GPC6: variants seen among roughly 807,000 people sequenced by gnomAD.
The protein encoded by GPC6 is glypican-6.
GPC6 carries 14 observed loss-of-function variants against 55.2 expected under a neutral mutation model. That is an observed-to-expected ratio of 0.25 (90% confidence interval 0.17 to 0.40). GPC6 has a LOEUF of 0.40. Ranked by LOEUF, GPC6 falls within the 10% of genes least tolerant of loss-of-function variation. The pLI, the probability that GPC6 is intolerant of heterozygous loss-of-function variation, is 1.00. For synonymous variants in GPC6, 278 were observed against 259.6 expected, an observed-to-expected ratio of 1.07 and a Z score of -0.68; for missense variants, 641 against 708.5, an observed-to-expected ratio of 0.90 and a Z score of 1.08.
Position 93,314,268 on chromosome 13 carries a change from G to T in GPC6, c.160+86652G>T, listed in dbSNP as rs575799725. On this transcript the variant is annotated intron_variant, in intron 1 of 8. Coordinates refer to ENST00000377047, the MANE Select transcript of GPC6 (RefSeq NM_005708.5). ...TGCATCAAATATATACTTGACACAT[G>T]CTTTCAAACCAAGCCATTGTAGGTG... 2.0e-5 allele frequency among the ~76,000 whole-genome samples: 3 copies of T among 152,078 alleles called. No homozygotes were observed. In the South Asian group the frequency reaches 6.2e-4, roughly 32 times the overall value.
intron 3 of GPC6, among the ~76,000 whole-genome samples, chr13:93,947,296 G>A (rs1376165472): frequency 6.6e-6 from 1 of 152,156 alleles, no homozygotes; most frequent in Non-Finnish European, 1.5e-5. Flanking sequence ...CAGCATGAAA[G>A]TGTTGGTCCC....
intron 2 of GPC6, among the ~76,000 whole-genome samples, chr13:93,753,697 T>C (rs921691215): frequency 5.3e-5 from 8 of 152,120 alleles, no homozygotes; most frequent in Non-Finnish European, 8.8e-5. Flanking sequence ...ATGTTTTTTG[T>C]GCCCATTAAC....
At chr13:93,605,997 C>A (rs1878224249) in intron 2 of GPC6, among the ~76,000 whole-genome samples, 1 of 151,868 alleles carries the variant, frequency 6.6e-6, no homozygotes, top group African/African-American at 2.4e-5. Context: ...TATATCAATA[C>A]ATAGATTGAT....
At chr13:93,672,104 GT>G (rs1881383013) in intron 2 of GPC6, among the ~76,000 whole-genome samples, 1 of 150,542 alleles carries the variant, frequency 6.6e-6, no homozygotes, top group Non-Finnish European at 1.5e-5. Flanking sequence ...AGAAAAAAGG[GT>G]CCAAGACTAT....
chr13:94,006,384 G>A (rs147980610), intron 3 of GPC6, among the ~76,000 whole-genome samples: 3 of 152,214 alleles, frequency 2.0e-5, no homozygotes, highest in African/African-American at 7.2e-5. Context: ...AGATCCCCAC[G>A]CTGCTACTCC....
At chr13:94,241,101 T>C (rs926703707) in intron 4 of GPC6, among the ~76,000 whole-genome samples, 3 of 152,250 alleles carry the variant, frequency 2.0e-5, no homozygotes, top group East Asian at 1.9e-4. Flanking sequence ...GCCCCCAGGA[T>C]GGCACTGGTG....
chr13:93,597,275 C>A (rs1203801571), intron 2 of GPC6, among the ~76,000 whole-genome samples: 1 of 152,164 alleles, frequency 6.6e-6, no homozygotes, highest in Non-Finnish European at 1.5e-5. Flanking sequence ...ATCACATGAA[C>A]CATCACAGAG....
intron 8 of GPC6, 91 bp from the exon 9 acceptor site, chr13:94,402,923 TG>T (rs1881206632): frequency 1.1e-6 from 1 of 939,130 alleles, no homozygotes. Context: ...GTGGGGATTA[TG>T]GGGATTACAA....
intron 2 of GPC6, among the ~76,000 whole-genome samples, chr13:93,593,472 GT>G (rs1225487268): frequency 6.6e-6 from 1 of 152,036 alleles, no homozygotes; most frequent in African/African-American, 2.4e-5. Context: ...TTGAATGTAA[GT>G]TATTCATACT....
intron 4 of GPC6, among the ~76,000 whole-genome samples, chr13:94,132,790 T>C (rs1887046229): frequency 6.6e-6 from 1 of 152,184 alleles, no homozygotes; most frequent in African/African-American, 2.4e-5. Context: ...AGTCAGATGC[T>C]GAAATAGGAT....
At chr13:93,417,610 T>C (rs982836574) in intron 1 of GPC6, among the ~76,000 whole-genome samples, 1 of 152,134 alleles carries the variant, frequency 6.6e-6, no homozygotes, top group Non-Finnish European at 1.5e-5. Flanking sequence ...ATCTCAGTAT[T>C]TTTTGAAATG....
intron 6 of GPC6, among the ~76,000 whole-genome samples, chr13:94,360,602 ATTGT>A (rs979470070): frequency 2.6e-5 from 4 of 152,190 alleles, no homozygotes; most frequent in African/African-American, 4.8e-5. Context: ...GAATTAGGAA[ATTGT>A]TTGTAGGGCT....
At chr13:93,726,383 T>G (rs999405124) in intron 2 of GPC6, among the ~76,000 whole-genome samples, 6 of 152,124 alleles carry the variant, frequency 3.9e-5, no homozygotes, top group African/African-American at 1.4e-4. Flanking sequence ...TGAAACTCCC[T>G]GGCCAATAAC....
intron 2 of GPC6, among the ~76,000 whole-genome samples, chr13:93,629,768 A>G (rs1042493847): frequency 6.6e-6 from 1 of 152,218 alleles, no homozygotes; most frequent in African/African-American, 2.4e-5. Context: ...TCTTATGTCT[A>G]TGGAAATAAA....
At chr13:93,714,103 G>T (rs1361044503) in intron 2 of GPC6, among the ~76,000 whole-genome samples, 2 of 151,634 alleles carry the variant, frequency 1.3e-5, no homozygotes, top group Admixed American at 6.6e-5. Flanking sequence ...TAATTAAACT[G>T]TCGAGCTTCT....
At chr13:93,660,990 C>T (rs1880897989) in intron 2 of GPC6, among the ~76,000 whole-genome samples, 1 of 152,164 alleles carries the variant, frequency 6.6e-6, no homozygotes, top group African/African-American at 2.4e-5. Context: ...AGCACAGTCT[C>T]TGCAGTGAGC....
chr13:94,030,560 C>T (rs747672341), intron 4 of GPC6, among the ~76,000 whole-genome samples: 37 of 152,216 alleles, frequency 2.4e-4, no homozygotes, highest in Non-Finnish European at 3.4e-4. Context: ...TTCATAAATG[C>T]GGCAGCAAAG....
chr13:93,944,058 T>C (rs1482769304), intron 3 of GPC6, among the ~76,000 whole-genome samples: 5 of 152,188 alleles, frequency 3.3e-5, no homozygotes, highest in Non-Finnish European at 5.9e-5. Context: ...TCTTCTCCAA[T>C]AGCCAGGCAG....
At chr13:94,364,675 C>T (rs964126477) in intron 6 of GPC6, among the ~76,000 whole-genome samples, 3 of 152,112 alleles carry the variant, frequency 2.0e-5, no homozygotes, top group Non-Finnish European at 2.9e-5. Flanking sequence ...GGCAGGACCA[C>T]GTCCCTTAAA....
Sources: allele counts gnomAD v4.1 joint callset (sites outside exome capture counted in the v4.1 genomes callset), GRCh38; gene constraint gnomAD v4.1.1; transcripts MANE v1.5; gene names NCBI Gene and HGNC (gene_info 2026-07-23, HGNC 2026-07-21).